Variants in NCAM2 observed in about 807,000 individuals in gnomAD.
NCAM2 encodes N-CAM-2.
Under a neutral mutation model 98.1 loss-of-function variants are expected in NCAM2, and 30 were observed. The ratio of observed to expected loss-of-function variants is 0.31; its 90% CI spans 0.23 to 0.41. NCAM2 has a LOEUF of 0.41. Among genes scored for constraint, NCAM2 ranks in the 10% least tolerant of loss-of-function variants. NCAM2 has a pLI of 1.00. For synonymous variants in NCAM2, 368 were observed against 342.4 expected (o/e 1.07, Z -0.83); for missense variants, 867 against 1,005.8 (o/e 0.86, Z 1.87).
At chr21:21,417,577 G>A (rs2077019452) in intron 10 of NCAM2, among the ~76,000 whole-genome samples, 2 of 151,998 alleles carry the variant, frequency 1.3e-5, no homozygotes, top group Non-Finnish European at 2.9e-5. Flanking sequence ...AATAGTTACA[G>A]AGATTGAAAA....
rs530864725 is a variant in NCAM2 at position 21,041,832 on chromosome 21, T to A, written c.55+43214T>A. On this transcript the variant is annotated intron_variant, in intron 1 of 17. Transcript: ENST00000400546. ...GACAGGGGATAGATGATTATTCTGA[T>A]CTTGGTTGACTTCCTTGTTAGTCAT... Among the ~76,000 whole-genome samples the A allele has an allele frequency of 3.3e-5, 5 of 152,290 alleles. No individual in the cohort carries two copies. In the South Asian group the frequency reaches 1.0e-3, roughly 32 times the overall value.
At chr21:21,075,629 T>A (rs8128748) in intron 1 of NCAM2, among the ~76,000 whole-genome samples, 1 of 152,134 alleles carries the variant, frequency 6.6e-6, no homozygotes, top group African/African-American at 2.4e-5. Context: ...ATGAGGAAAT[T>A]TCCTTTTATT....
At chr21:21,101,253 CATAAT>C (rs1323363949) in intron 1 of NCAM2, among the ~76,000 whole-genome samples, 3 of 151,906 alleles carry the variant, frequency 2.0e-5, no homozygotes, top group Admixed American at 2.0e-4. Context: ...AAGCTGTAAA[CATAAT>C]AGAAAATAAA....
chr21:21,215,843 C>G (rs2069878260), intron 1 of NCAM2, among the ~76,000 whole-genome samples: 2 of 152,152 alleles, frequency 1.3e-5, no homozygotes, highest in South Asian at 4.1e-4. Context: ...TTTTCATGAA[C>G]AGAAAAGAAA....
chr21:21,439,158 C>T (rs1490851866), intron 12 of NCAM2, among the ~76,000 whole-genome samples: 1 of 151,684 alleles, frequency 6.6e-6, no homozygotes, highest in African/African-American at 2.4e-5. Flanking sequence ...TGCTCTGTCC[C>T]CCAAGGCTGC....
At chr21:21,110,247 A>C (rs914672164) in intron 1 of NCAM2, among the ~76,000 whole-genome samples, 1 of 152,178 alleles carries the variant, frequency 6.6e-6, no homozygotes, top group African/African-American at 2.4e-5. Context: ...AGTGTCAGGA[A>C]TTTGGCCCAG....
chr21:21,521,113 A>G, intron 16 of NCAM2, among the ~76,000 whole-genome samples: 1 of 152,144 alleles, frequency 6.6e-6, no homozygotes, highest in East Asian at 1.9e-4. Context: ...ACTGACCCGG[A>G]GAATGGAAAT....
intron 1 of NCAM2, among the ~76,000 whole-genome samples, chr21:21,009,250 A>G (rs2066176747): frequency 6.6e-6 from 1 of 152,142 alleles, no homozygotes; most frequent in African/African-American, 2.4e-5. Context: ...TGTTTTGTTG[A>G]AAATACATGA....
intron 8 of NCAM2, among the ~76,000 whole-genome samples, chr21:21,352,826 T>TAA (rs377003114): frequency 3.0e-5 from 4 of 135,140 alleles, no homozygotes; most frequent in South Asian, 4.7e-4. Context: ...ATTAGAAAAT[T>TAA]AAAAAAAAAA....
intron 1 of NCAM2, among the ~76,000 whole-genome samples, chr21:21,051,653 T>G (rs539015549): frequency 6.6e-6 from 1 of 152,326 alleles, no homozygotes; most frequent in African/African-American, 2.4e-5. Flanking sequence ...TGTGCCATAA[T>G]AGGCTCATGG....
intron 8 of NCAM2, among the ~76,000 whole-genome samples, chr21:21,345,425 G>A (rs918751229): frequency 6.6e-6 from 1 of 152,076 alleles, no homozygotes; most frequent in African/African-American, 2.4e-5. Flanking sequence ...ATCTAACAGA[G>A]ATTGAAATAA....
At chr21:21,384,976 A>C (rs2076234140) in intron 9 of NCAM2, among the ~76,000 whole-genome samples, 1 of 151,310 alleles carries the variant, frequency 6.6e-6, no homozygotes, top group Non-Finnish European at 1.5e-5. Flanking sequence ...TTTTAGTTAC[A>C]CTCCTTTTAA....
intron 1 of NCAM2, among the ~76,000 whole-genome samples, chr21:21,124,508 G>T (rs1408589506): frequency 2.0e-5 from 3 of 152,114 alleles, no homozygotes; most frequent in Non-Finnish European, 4.4e-5. Context: ...TTTGCTAATT[G>T]AAATAGTAAC....
At chr21:21,447,413 A>G (rs1980343029) in intron 12 of NCAM2, among the ~76,000 whole-genome samples, 1 of 152,210 alleles carries the variant, frequency 6.6e-6, no homozygotes, top group Admixed American at 6.5e-5. Flanking sequence ...GATGGATTAA[A>G]GACTTAAATG....
chr21:21,039,110 C>T (rs2064853414), intron 1 of NCAM2, among the ~76,000 whole-genome samples: 1 of 152,096 alleles, frequency 6.6e-6, no homozygotes, highest in African/African-American at 2.4e-5. Flanking sequence ...TAAGAAAGTA[C>T]ATGTAACAGG....
chr21:21,330,941 C>A (rs2074659015), intron 6 of NCAM2, among the ~76,000 whole-genome samples: 1 of 152,132 alleles, frequency 6.6e-6, no homozygotes, highest in African/African-American at 2.4e-5. Context: ...TTAATCCCAT[C>A]AGAGTATTTC....
At chr21:21,066,835 A>G (rs1306321770) in intron 1 of NCAM2, among the ~76,000 whole-genome samples, 1 of 152,034 alleles carries the variant, frequency 6.6e-6, no homozygotes, top group Non-Finnish European at 1.5e-5. Context: ...AGTTTTCTTA[A>G]TGTTTCTATG....
chr21:21,261,789 G>T (rs938880514), intron 1 of NCAM2, among the ~76,000 whole-genome samples: 9 of 151,904 alleles, frequency 5.9e-5, no homozygotes, highest in Non-Finnish European at 1.3e-4. Flanking sequence ...ACCTAACATT[G>T]CACCTTAAGA....
intron 15 of NCAM2, among the ~76,000 whole-genome samples, chr21:21,503,918 C>T (rs1313106327): frequency 6.6e-6 from 1 of 151,512 alleles, no homozygotes; most frequent in Non-Finnish European, 1.5e-5. Flanking sequence ...AACAGCAATA[C>T]AAAATGATCA....
Sources: allele counts gnomAD v4.1 joint callset (sites outside exome capture counted in the v4.1 genomes callset), GRCh38; gene constraint gnomAD v4.1.1; transcripts MANE v1.5; gene names NCBI Gene and HGNC (gene_info 2026-07-23, HGNC 2026-07-21).